The following IL20RA variants were observed in gnomAD, a reference collection of about 807,000 sequenced individuals.
IL20RA encodes the protein interleukin-20 receptor subunit alpha.
A neutral mutation model predicts 36.5 loss-of-function variants in IL20RA; 29 were observed. The ratio of observed to expected loss-of-function variants is 0.79; its 90% CI spans 0.59 to 1.08. IL20RA has a LOEUF of 1.08. Among genes scored for constraint, IL20RA ranks in the 50% least tolerant of loss-of-function variants. The pLI is 0.00. For synonymous variants in IL20RA, 279 were observed against 267.1 expected (o/e 1.04, Z -0.43); for missense variants, 652 against 668.4 (o/e 0.98, Z 0.27).
chr6:137,035,526 G>A (rs1162528574), intron 1 of IL20RA, among the ~76,000 whole-genome samples: 1 of 152,154 alleles, frequency 6.6e-6, no homozygotes, highest in Non-Finnish European at 1.5e-5. Flanking sequence ...TGAAGAAAGG[G>A]CCCTTGTTTT....
intron 2 of IL20RA, among the ~76,000 whole-genome samples, chr6:137,012,720 A>G (rs1050240878): frequency 1.3e-5 from 2 of 152,268 alleles, no homozygotes; most frequent in Non-Finnish European, 2.9e-5. Flanking sequence ...ACCTGGAAAT[A>G]GCAACTAAAG....
chr6:137,016,895 T>C, intron 2 of IL20RA, 73 bp downstream of exon 2: 2 of 1,348,826 alleles, frequency 1.5e-6, no homozygotes, highest in Non-Finnish European at 2.1e-6. Flanking sequence ...CACGGAGAGT[T>C]TATCTTTACA....
chr6:137,005,664 GTTT>G lies in IL20RA; in HGVS notation c.725-907_725-905del, dbSNP rs111299390. Among the ~76,000 whole-genome samples the G allele has an allele frequency of 9.1e-4, 138 of 151,954 alleles. 4 individuals carry two copies. The South Asian group carries it at 0.025, about 28-fold the overall frequency. On this transcript the variant is annotated intron_variant, in intron 5 of 6. Transcript: ENST00000316649. ...GAAGGTTTTTGTTGTTGTTGTTGTT[GTTT>G]TTTTTAATGGGAGTCTAACATTTCA...
At chr6:137,033,536 C>G (rs983965986) in intron 1 of IL20RA, among the ~76,000 whole-genome samples, 1 of 152,184 alleles carries the variant, frequency 6.6e-6, no homozygotes, top group Admixed American at 6.5e-5. Flanking sequence ...TGAGTTCTCA[C>G]AAGATCTGGT....
At chr6:137,039,146 C>T (rs768410920) in intron 1 of IL20RA, among the ~76,000 whole-genome samples, 14 of 152,218 alleles carry the variant, frequency 9.2e-5, no homozygotes, top group Admixed American at 3.3e-4. Flanking sequence ...CCTACTATGT[C>T]GTTCCTATTC....
intron 1 of IL20RA, 95 bp from the exon 2 acceptor site, chr6:137,017,198 G>T: frequency 4.3e-6 from 4 of 929,088 alleles, no homozygotes; most frequent in South Asian, 3.1e-5. Flanking sequence ...CCCCCAATAC[G>T]GCCTTCCAGT....
At chr6:137,025,577 CTGTT>C (rs951213481) in intron 1 of IL20RA, among the ~76,000 whole-genome samples, 23 of 152,206 alleles carry the variant, frequency 1.5e-4, no homozygotes, top group African/African-American at 5.5e-4. Flanking sequence ...AAAAAGTTCT[CTGTT>C]TGCTCGCAGG....
intron 1 of IL20RA, among the ~76,000 whole-genome samples, chr6:137,031,010 C>A (rs766993456): frequency 6.6e-6 from 1 of 152,154 alleles, no homozygotes; most frequent in Non-Finnish European, 1.5e-5. Context: ...AGTTACTATT[C>A]ATTGTAAATA....
intron 5 of IL20RA, among the ~76,000 whole-genome samples, chr6:137,006,038 C>T (rs959308031): frequency 6.6e-6 from 1 of 152,174 alleles, no homozygotes; most frequent in African/African-American, 2.4e-5. Flanking sequence ...GGAAAAAGAG[C>T]AGCTTCAGCA....
At chr6:137,008,357 T>C (rs986299874) in intron 5 of IL20RA, among the ~76,000 whole-genome samples, 1 of 152,250 alleles carries the variant, frequency 6.6e-6, no homozygotes, top group African/African-American at 2.4e-5. Context: ...GGAAAGAAGC[T>C]GGCAGTGGAC....
At chr6:137,030,539 A>C (rs1398247522) in intron 1 of IL20RA, among the ~76,000 whole-genome samples, 1 of 152,176 alleles carries the variant, frequency 6.6e-6, no homozygotes, top group East Asian at 1.9e-4. Context: ...CTTTACTCAT[A>C]AAGACCACAT....
intron 5 of IL20RA, 30 bp from the exon 6 acceptor site, chr6:137,004,790 C>CG: frequency 1.3e-6 from 2 of 1,563,526 alleles, no homozygotes; most frequent in South Asian, 2.4e-5. Context: ...GGTGGGAATT[C>CG]GGGGGAAGGG....
chr6:137,015,079 G>A (rs552810710), intron 2 of IL20RA, among the ~76,000 whole-genome samples: 1 of 152,212 alleles, frequency 6.6e-6, no homozygotes, highest in South Asian at 2.1e-4. Flanking sequence ...CTCAACTTGA[G>A]TTCTGCTTTT....
chr6:137,009,501 G>A lies in IL20RA; in HGVS notation c.404-9C>T, dbSNP rs1458941292. 2 of 1,559,190 alleles carry A rather than the reference G, an allele frequency of 1.3e-6. No homozygotes were observed. Among genetic ancestry groups the A allele is most frequent in the Admixed American group, 1.7e-5 (1 of 59,910 alleles). ...TGGTGGGCCAATTTGTGCTTAAAGG[G>A]GGAGAAAGAGGGTATTATCATGTTC... On this transcript the variant is annotated splice_polypyrimidine_tract_variant and intron_variant, in intron 3 of 6. Transcript: ENST00000316649.
rs377611533 is a variant in IL20RA at position 137,042,211 on chromosome 6, G to A, written c.88+2430C>T. ...TATGAGTGAGATGGGAAACACTTTG[G>A]CTTGTCTGGGAAGTAGAAAAAGGCC... On this transcript the variant is annotated intron_variant, in intron 1 of 6. Transcript: ENST00000316649. Among the ~76,000 whole-genome samples the A allele has an allele frequency of 5.6e-3, 44 of 7,876 alleles. 1 individual carries two copies. Among genetic ancestry groups the A allele is most frequent in the African/African-American group, 6.5e-3 (42 of 6,432 alleles). 5.2% of individuals were successfully genotyped at this position (7,876 alleles called of 152,430 possible). A position where few individuals can be genotyped will look rare whatever the true frequency, so the allele number is the denominator to read the frequency against.
intron 2 of IL20RA, among the ~76,000 whole-genome samples, chr6:137,014,400 C>G (rs866176489): frequency 6.6e-6 from 1 of 151,584 alleles, no homozygotes; most frequent in Non-Finnish European, 1.5e-5. Flanking sequence ...AACAGAAGGA[C>G]GATATGATAG....
intron 2 of IL20RA, among the ~76,000 whole-genome samples, chr6:137,015,388 T>C (rs1044047815): frequency 6.6e-6 from 1 of 152,308 alleles, no homozygotes; most frequent in South Asian, 2.1e-4. Context: ...CTTCTTTGAG[T>C]TTTACCTTTA....
chr6:137,009,245 T>A, intron 4 of IL20RA, 72 bp downstream of exon 4: 1 of 1,189,890 alleles, frequency 8.4e-7, no homozygotes, highest in Non-Finnish European at 1.3e-6. Context: ...AATCAATGCA[T>A]CAGGGTTGTT....
intron 1 of IL20RA, among the ~76,000 whole-genome samples, chr6:137,039,173 G>T (rs1776590525): frequency 6.6e-6 from 1 of 152,136 alleles, no homozygotes; most frequent in Admixed American, 6.5e-5. Context: ...GCTTTCCATG[G>T]GTAACCAATC....
Sources: gnomAD v4.1 joint callset for allele counts (sites outside exome capture counted in the v4.1 genomes callset) on GRCh38, gnomAD v4.1.1 for gene constraint, MANE v1.5 for transcripts, NCBI Gene and HGNC (gene_info 2026-07-23, HGNC 2026-07-21) for gene names.